Variants in ALDH4A1 observed in about 807,000 individuals in gnomAD.
ALDH4A1 encodes delta-1-pyrroline-5-carboxylate dehydrogenase, mitochondrial.
A neutral mutation model predicts 70.5 loss-of-function variants in ALDH4A1; 46 were observed. The observed-to-expected ratio is 0.65, with a 90% CI of 0.51 to 0.83. ALDH4A1 has a LOEUF of 0.83. ALDH4A1 is among the 40% of genes least tolerant of loss of function. ALDH4A1 has a pLI of 0.00. For missense variants in ALDH4A1, 749 were observed against 766.5 expected, an observed-to-expected ratio of 0.98 and a Z score of 0.27; for synonymous variants, 323 against 324.3, an observed-to-expected ratio of 1.00 and a Z score of 0.04.
chr1:18,879,171 G>A, intron 9 of ALDH4A1, 129 bp downstream of exon 9: 2 of 897,012 alleles, frequency 2.2e-6, no homozygotes, highest in Non-Finnish European at 3.6e-6. Flanking sequence ...CTACTGGGCA[G>A]TGCTGGTGCC....
chr1:18,888,787 C>T (rs909035052), intron 3 of ALDH4A1, among the ~76,000 whole-genome samples: 1 of 152,280 alleles, frequency 6.6e-6, no homozygotes, highest in Non-Finnish European at 1.5e-5. Flanking sequence ...CTGCCCCAGG[C>T]TGTCCTGGGA....
intron 1 of ALDH4A1, among the ~76,000 whole-genome samples, chr1:18,891,495 A>G (rs1348356035): frequency 1.3e-5 from 2 of 152,112 alleles, no homozygotes; most frequent in Non-Finnish European, 2.9e-5. Flanking sequence ...GGTCGGCGCA[A>G]TGAGGGAAAA....
At position 18,874,474 on chromosome 1, in the gene ALDH4A1, G is replaced by A; in HGVS notation, c.1568C>T (p.Ala523Val). Residue 523 changes from alanine to valine, a missense_variant, in exon 14 of 15, where the codon GCC (alanine) becomes GTC (valine). By Grantham distance (64) the Ala-to-Val change is moderately conservative (BLOSUM62 0). Transcript: ENST00000375341. ...GGGGACCCACTCACCAGAGGCTCGG[G>A]CCCCCCCAAAGGGCTGCTGGCCCAC... ...SIVGQQPFGG[A>V]RASGTNDKPG... 1 of 1,613,642 alleles carries A rather than the reference G, an allele frequency of 6.2e-7. No individual in the cohort carries two copies.
At chr1:18,876,991 C>G (rs1269014365) in intron 11 of ALDH4A1, among the ~76,000 whole-genome samples, 1 of 152,202 alleles carries the variant, frequency 6.6e-6, no homozygotes, top group Non-Finnish European at 1.5e-5. Flanking sequence ...GCTCGCTGAG[C>G]CTGGTTCCAG....
intron 5 of ALDH4A1, among the ~76,000 whole-genome samples, chr1:18,884,435 G>T (rs1253246542): frequency 1.3e-5 from 2 of 152,158 alleles, no homozygotes; most frequent in African/African-American, 2.4e-5. Flanking sequence ...TGGCAGCGTA[G>T]GGCTCAGGTC....
Position 18,872,008 on chromosome 1 carries a change from C to G in ALDH4A1, c.*837G>C, listed in dbSNP as rs1934458749. The G allele has an allele frequency of 6.6e-6, 1 of 152,454 alleles. No homozygotes were observed. Among genetic ancestry groups the G allele is most frequent in the African/African-American group, 2.4e-5 (1 of 41,468 alleles). The allele number at this position is 152,454 out of a possible 1,614,324, so 9.4% of individuals were successfully genotyped here. A position where few individuals can be genotyped will look rare whatever the true frequency, so the allele number is the denominator to read the frequency against. Reference sequence around the variant, plus strand: ...TCACCATGGCACAGTGGTGGCTGAGCTCCTGCAGGGAAATCCCAGACCCTG... The same window carrying G: ...TCACCATGGCACAGTGGTGGCTGAGGTCCTGCAGGGAAATCCCAGACCCTG... On this transcript the variant is annotated 3_prime_UTR_variant, in exon 15 of 15. Transcript: ENST00000375341.
At chr1:18,887,408 G>A (rs1256864826) in intron 3 of ALDH4A1, among the ~76,000 whole-genome samples, 1 of 152,248 alleles carries the variant, frequency 6.6e-6, no homozygotes, top group Non-Finnish European at 1.5e-5. Flanking sequence ...GACCATCCTG[G>A]CTAACATGGT....
At chr1:18,874,720 C>T in intron 13 of ALDH4A1, 139 bp from the exon 14 acceptor site, 1 of 838,162 alleles carries the variant, frequency 1.2e-6, no homozygotes, top group Non-Finnish European at 2.0e-6. Context: ...GGGATGCTGC[C>T]AGCTGTTGGC....
chr1:18,884,322 C>T (rs7365362), intron 5 of ALDH4A1, among the ~76,000 whole-genome samples: 98,146 of 151,852 alleles, frequency 0.65, 33,944 homozygotes, highest in Middle Eastern at 0.83. Flanking sequence ...GCAGAGGGGG[C>T]GCTCACCATG....
chr1:18,890,876 G>A, intron 1 of ALDH4A1: 1 of 985,500 alleles, frequency 1.0e-6, no homozygotes. Flanking sequence ...TGAACCAGCT[G>A]AGATCCCCTT....
At chr1:18,893,788 G>A (rs1366936616) in intron 1 of ALDH4A1, among the ~76,000 whole-genome samples, 2 of 152,208 alleles carry the variant, frequency 1.3e-5, no homozygotes, top group Non-Finnish European at 2.9e-5. Context: ...ACAGGCGTGA[G>A]CCACTGTGCC....
At position 18,879,901 on chromosome 1, in the gene ALDH4A1, G is replaced by A. The variant is rs755897076; in HGVS notation, c.867-528C>T. Among the ~76,000 whole-genome samples the A allele has an allele frequency of 7.2e-5, 11 of 152,260 alleles. No individual in the cohort carries two copies. In the East Asian group the frequency reaches 7.7e-4, roughly 11 times the overall value. ...CGAAGCCACCACCCTGGAGGGCCTC[G>A]CCTCCTCCCCAGGCTCCAAGTGTGA... On this transcript the variant is annotated intron_variant, in intron 8 of 14. Transcript: ENST00000375341.
chr1:18,889,941 T>C, intron 2 of ALDH4A1, 71 bp downstream of exon 2: 1 of 1,327,514 alleles, frequency 7.5e-7, no homozygotes. Flanking sequence ...CGGGGCGCTA[T>C]CTCAGGGCTG....
chr1:18,879,782 G>T (rs531515738), intron 8 of ALDH4A1, among the ~76,000 whole-genome samples: 1 of 152,166 alleles, frequency 6.6e-6, no homozygotes, highest in Non-Finnish European at 1.5e-5. Flanking sequence ...AACAGACCCC[G>T]CTGTGGTCTG....
chr1:18,889,985 C>T, intron 2 of ALDH4A1, 27 bp downstream of exon 2: 2 of 1,560,156 alleles, frequency 1.3e-6, no homozygotes, highest in Non-Finnish European at 1.7e-6. Flanking sequence ...CCCTGCACCT[C>T]TCGGGTGCCT....
rs1934466760 is a variant in ALDH4A1, at chr1:18,872,181, C to T, written c.*664G>A. 1 of 124,806 alleles carries T rather than the reference C, an allele frequency of 8.0e-6. No homozygotes were observed. Among genetic ancestry groups the T allele is most frequent in the African/African-American group, 2.6e-5 (1 of 38,646 alleles). The allele number at this position is 124,806 out of a possible 1,614,324, so 7.7% of individuals were successfully genotyped here. Reference sequence around the variant, plus strand: ...CATCCCACGCCTTGGCAGGTGGCCTCCAGCGGCCCCCCAACCCCGCCATGT... The same window carrying T: ...CATCCCACGCCTTGGCAGGTGGCCTTCAGCGGCCCCCCAACCCCGCCATGT... On this transcript the variant is annotated 3_prime_UTR_variant, in exon 15 of 15. Transcript: ENST00000375341.
At position 18,889,384 on chromosome 1, in the gene ALDH4A1, G is replaced by A. The variant is rs1393290767; in HGVS notation, c.227C>T (p.Ser76Leu). The A allele has an allele frequency of 1.2e-5, 18 of 1,552,500 alleles. No homozygotes were observed. The highest frequency in any genetic ancestry group is 5.9e-5 in the South Asian group (5 of 84,092). The change falls in exon 3 of 15, where the codon TCG (serine) becomes TTG (leucine). Residue 76 changes from serine to leucine, a missense_variant. By Grantham distance (145) the Ser-to-Leu change is moderately radical (BLOSUM62 -2). Transcript: ENST00000375341. ...CVVGDEEVWTSDVQYQVSPFN... is the reference protein window; with the variant it reads ...CVVGDEEVWTLDVQYQVSPFN... ...TACCGACACTTGGTACTGCACGTCC[G>A]ACGTCCACACCTCCTCATCCCCCAC... is the stretch of plus-strand genomic sequence containing the variant.
chr1:18,878,219 T>C (rs1934810013), intron 9 of ALDH4A1, among the ~76,000 whole-genome samples: 1 of 152,240 alleles, frequency 6.6e-6, no homozygotes, highest in Non-Finnish European at 1.5e-5. Flanking sequence ...AAGTACGCTG[T>C]GCTTTGTCTG....
Position 18,885,555 on chromosome 1 carries a change from C to T in ALDH4A1, c.371G>A (p.Arg124Gln), listed in dbSNP as rs753559441. 3.1e-6 allele frequency: 5 copies of T among 1,612,490 alleles called. No individual in the cohort carries two copies. The highest frequency in any genetic ancestry group is 4.2e-6 in the Non-Finnish European group (5 of 1,179,466). ...TGCCGCCTTCAGGAAGATCTGGGCC[C>T]GGTCTGCAATAGGCTTCAGGTCCCA... The part of the protein sequence containing the change: ...KEWDLKPIAD[R>Q]AQIFLKAADM... The change falls in exon 5 of 15, where the codon CGG becomes CAG. Residue 124 changes from arginine to glutamine, a missense_variant. Coordinates refer to ENST00000375341, the MANE Select transcript of ALDH4A1 (RefSeq NM_003748.4).
Sources: gnomAD v4.1 joint callset for allele counts (sites outside exome capture counted in the v4.1 genomes callset) on GRCh38, gnomAD v4.1.1 for gene constraint, MANE v1.5 for transcripts, NCBI Gene and HGNC (gene_info 2026-07-23, HGNC 2026-07-21) for gene names.